Variants in EFNA5 observed in about 807,000 individuals in gnomAD.
EFNA5 encodes the protein ephrin A5, also known as ephrin-A5.
EFNA5 carries 5 observed loss-of-function variants against 22.9 expected under a neutral mutation model. The ratio of observed to expected loss-of-function variants is 0.22; its 90% CI spans 0.11 to 0.46. EFNA5 has a LOEUF of 0.46. Among genes scored for constraint, EFNA5 ranks in the 20% least tolerant of loss-of-function variants. The pLI is 0.99. For synonymous variants in EFNA5, 113 were observed against 112.2 expected, an observed-to-expected ratio of 1.01 and a Z score of -0.04; for missense variants, 237 against 293.3, an observed-to-expected ratio of 0.81 and a Z score of 1.40.
At chr5:107,569,497 G>GTA (rs1164058306) in intron 1 of EFNA5, among the ~76,000 whole-genome samples, 2 of 129,888 alleles carry the variant, frequency 1.5e-5, no homozygotes, top group African/African-American at 6.0e-5. Context: ...TTATATATAT[G>GTA]TGTATATATA....
chr5:107,667,954 G>A (rs1281782893), intron 1 of EFNA5, among the ~76,000 whole-genome samples: 2 of 152,174 alleles, frequency 1.3e-5, no homozygotes, highest in African/African-American at 2.4e-5. Context: ...TATTTGGCAT[G>A]TGGCCTCTTA....
intron 1 of EFNA5, among the ~76,000 whole-genome samples, chr5:107,555,237 T>G (rs1274378095): frequency 2.0e-5 from 3 of 152,230 alleles, no homozygotes; most frequent in Admixed American, 6.5e-5. Flanking sequence ...ACAGGCAATT[T>G]CATTATCTTG....
At chr5:107,499,876 C>A (rs905058309) in intron 1 of EFNA5, among the ~76,000 whole-genome samples, 3 of 152,066 alleles carry the variant, frequency 2.0e-5, no homozygotes, top group African/African-American at 7.3e-5. Flanking sequence ...GGTAAATAGG[C>A]CCATGGAGAC....
At chr5:107,502,751 C>G (rs1042767374) in intron 1 of EFNA5, among the ~76,000 whole-genome samples, 3 of 152,134 alleles carry the variant, frequency 2.0e-5, no homozygotes, top group African/African-American at 7.2e-5. Flanking sequence ...TTCTCATTGC[C>G]TCAGGATGGA....
At chr5:107,469,648 G>GC (rs917257246) in intron 1 of EFNA5, among the ~76,000 whole-genome samples, 10 of 151,504 alleles carry the variant, frequency 6.6e-5, no homozygotes, top group East Asian at 5.8e-4. Context: ...AGAAGTTACT[G>GC]CCCCCCCTTT....
chr5:107,627,878 A>G (rs1389208935), intron 1 of EFNA5, among the ~76,000 whole-genome samples: 1 of 152,206 alleles, frequency 6.6e-6, no homozygotes, highest in Non-Finnish European at 1.5e-5. Context: ...CAATTATGAA[A>G]TACATTTATT....
At chr5:107,554,425 G>T (rs1748364527) in intron 1 of EFNA5, among the ~76,000 whole-genome samples, 1 of 148,676 alleles carries the variant, frequency 6.7e-6, no homozygotes, top group African/African-American at 2.6e-5. Context: ...ATTACTGCTG[G>T]TGATTCTTCT....
chr5:107,493,603 G>A (rs986203414), intron 1 of EFNA5, among the ~76,000 whole-genome samples: 1 of 152,206 alleles, frequency 6.6e-6, no homozygotes, highest in Non-Finnish European at 1.5e-5. Flanking sequence ...CATTTACAAT[G>A]TACTTATTCA....
At chr5:107,425,752 C>T (rs1042014871) in intron 2 of EFNA5, among the ~76,000 whole-genome samples, 2 of 152,116 alleles carry the variant, frequency 1.3e-5, no homozygotes, top group African/African-American at 4.8e-5. Context: ...TGACAGTTAT[C>T]ATTGTGATGG....
intron 1 of EFNA5, among the ~76,000 whole-genome samples, chr5:107,591,799 T>C (rs1408165342): frequency 7.8e-6 from 1 of 128,282 alleles, no homozygotes; most frequent in Non-Finnish European, 1.6e-5. Flanking sequence ...CCAGCCTGGG[T>C]GGCAAAGGGA....
At chr5:107,612,064 T>A (rs1749826944) in intron 1 of EFNA5, among the ~76,000 whole-genome samples, 1 of 152,198 alleles carries the variant, frequency 6.6e-6, no homozygotes, top group Non-Finnish European at 1.5e-5. Flanking sequence ...TTCAAATATA[T>A]GTACTTTCTT....
chr5:107,447,215 C>T (rs1393002282), intron 1 of EFNA5, among the ~76,000 whole-genome samples: 2 of 151,740 alleles, frequency 1.3e-5, no homozygotes, highest in Non-Finnish European at 2.9e-5. Context: ...TGAGACTTTG[C>T]AATTCTGCTG....
intron 1 of EFNA5, among the ~76,000 whole-genome samples, chr5:107,520,080 G>A (rs1431530329): frequency 6.6e-6 from 1 of 152,166 alleles, no homozygotes; most frequent in Non-Finnish European, 1.5e-5. Flanking sequence ...TGTCACCAGG[G>A]CAACTGAAAT....
intron 1 of EFNA5, among the ~76,000 whole-genome samples, chr5:107,485,601 T>C (rs1375922651): frequency 6.6e-6 from 1 of 152,222 alleles, no homozygotes; most frequent in Non-Finnish European, 1.5e-5. Flanking sequence ...ACCTACTTCC[T>C]ATGGATTATG....
At position 107,622,317 on chromosome 5, in the gene EFNA5, C is replaced by T. The variant is rs150205731; in HGVS notation, c.125+48172G>A. 2.4e-3 allele frequency among the ~76,000 whole-genome samples: 363 copies of T among 152,272 alleles called. 2 individuals are homozygous for T. The highest frequency in any genetic ancestry group is 7.9e-3 in the African/African-American group (329 of 41,552). On this transcript the variant is annotated intron_variant, in intron 1 of 4. Coordinates refer to ENST00000333274, the MANE Select transcript of EFNA5 (RefSeq NM_001962.3). Reference sequence around the variant, plus strand: ...TACCCTAGCTGCACAGAATCACCCACGAAGCTTTTAATAAAATCCCCATGT... The same window carrying T: ...TACCCTAGCTGCACAGAATCACCCATGAAGCTTTTAATAAAATCCCCATGT...
chr5:107,591,960 TATATATAATATATATAATATATA>T (rs1366603443), intron 1 of EFNA5, among the ~76,000 whole-genome samples: 1 of 11,902 alleles, frequency 8.4e-5, no homozygotes, highest in Non-Finnish European at 1.4e-4. Context: ...TAATATATAA[TATATATAATATATATAATATATA>T]ATATATAATA....
chr5:107,563,825 G>A (rs952921464), intron 1 of EFNA5, among the ~76,000 whole-genome samples: 3 of 152,022 alleles, frequency 2.0e-5, no homozygotes, highest in Admixed American at 2.0e-4. Flanking sequence ...CTCCTAACTG[G>A]GCTTTCGGTC....
chr5:107,408,691 C>G (rs1748284573), intron 2 of EFNA5, among the ~76,000 whole-genome samples: 1 of 152,130 alleles, frequency 6.6e-6, no homozygotes, highest in Non-Finnish European at 1.5e-5. Flanking sequence ...GCACAGATCC[C>G]TTCATTCTAG....
chr5:107,435,315 C>CTTTTTTT lies in EFNA5; in HGVS notation c.126-7813_126-7807dup, dbSNP rs3999107. Among the ~76,000 whole-genome samples the CTTTTTTT allele has an allele frequency of 9.6e-3, 1,006 of 104,372 alleles. 27 individuals carry two copies. The highest frequency in any genetic ancestry group is 0.027 in the African/African-American group (666 of 25,004). 68.5% of individuals were successfully genotyped at this position (104,372 alleles called of 152,430 possible). A position where few individuals can be genotyped will look rare whatever the true frequency, so the allele number is the denominator to read the frequency against. On this transcript the variant is annotated intron_variant, in intron 1 of 4. Transcript: ENST00000333274. ...TTCCTATTCTAAATCTGAAGATGCT[C>CTTTTTTT]TTTTTTTTTTTTTTTTTTTTTTGCT...
Sources: allele counts gnomAD v4.1 joint callset (sites outside exome capture counted in the v4.1 genomes callset), GRCh38; gene constraint gnomAD v4.1.1; transcripts MANE v1.5; gene names NCBI Gene and HGNC (gene_info 2026-07-23, HGNC 2026-07-21).